GPR179: variants seen among roughly 807,000 people sequenced by gnomAD.
GPR179 encodes the protein probable G protein-coupled receptor 179.
GPR179 carries 52 observed loss-of-function variants against 70.8 expected under a neutral mutation model. That is an observed-to-expected ratio of 0.73 (90% CI 0.59 to 0.93). The LOEUF (loss-of-function observed/expected upper bound fraction) is 0.93, where lower values mean the gene tolerates loss of function less well. Among genes scored for constraint, GPR179 ranks in the 40% least tolerant of loss-of-function variants. The pLI is 0.00. For synonymous variants in GPR179, 1,123 were observed against 1,169.0 expected (o/e 0.96, Z 0.80); for missense variants, 2,734 against 2,966.8 (o/e 0.92, Z 1.82).
At chr17:38,335,497 G>A in intron 6 of GPR179, 94 bp downstream of exon 6, 2 of 947,708 alleles carry the variant, frequency 2.1e-6, no homozygotes, top group Admixed American at 3.9e-5. Context: ...GAGTGGGGCT[G>A]GCAAGGGTCT....
chr17:38,334,440 A>G lies in GPR179; in HGVS notation c.1784+264T>C, dbSNP rs1207354720. ...GGAAAGGGGTATGTTGGGGTGCTGG[A>G]GAGGTGCTTTGGGAGGGGTGAGGAG... On this transcript the variant is annotated intron_variant, in intron 8 of 10. Coordinates refer to ENST00000616987, the MANE Select transcript of GPR179 (RefSeq NM_001004334.4). This position sits in a 1 kb window ranked among gnomAD's most constrained non-coding sequence, Gnocchi z 4.7. Among the ~76,000 whole-genome samples the G allele has an allele frequency of 6.6e-6, 1 of 151,790 alleles. No individual in the cohort carries two copies. The highest frequency in any genetic ancestry group is 2.4e-5 in the African/African-American group (1 of 41,284).
At chr17:38,335,751 G>T in intron 5 of GPR179, 51 bp from the exon 6 acceptor site, 3 of 1,231,772 alleles carry the variant, frequency 2.4e-6, no homozygotes, top group Non-Finnish European at 2.4e-6. Flanking sequence ...TCTGCTGTGG[G>T]CCAGGCCTAT....
At chr17:38,341,215 C>A (rs1333195415) in intron 1 of GPR179, among the ~76,000 whole-genome samples, 1 of 152,190 alleles carries the variant, frequency 6.6e-6, no homozygotes, top group Non-Finnish European at 1.5e-5. Context: ...AGGTTGTTCT[C>A]TCCACCCCTC....
intron 4 of GPR179, 86 bp from the exon 5 acceptor site, chr17:38,336,230 ACC>A: frequency 1.1e-6 from 1 of 908,286 alleles, no homozygotes; most frequent in Middle Eastern, 2.2e-4. Flanking sequence ...TCACTCAGTG[ACC>A]CTGAGCTAAG....
Position 38,331,000 on chromosome 17 carries a change from C to G in GPR179, c.2569G>C (p.Ala857Pro). 6.2e-7 allele frequency: 1 copy of G among 1,611,766 alleles called. No individual in the cohort carries two copies. Among genetic ancestry groups the G allele is most frequent in the South Asian group, 1.1e-5 (1 of 90,924 alleles). Residue 857 changes from alanine to proline, a missense_variant, in exon 11 of 11, where the codon GCC becomes CCC. By Grantham distance (27) the Ala-to-Pro change is conservative (BLOSUM62 -1). Transcript: ENST00000616987. ...TGCCGGTAGGTCTCCTCCAGGTAGG[C>G]CTGGCTGGCCATGAGCAAGGCCTTT... ...REKALLMASQ[A>P]YLEETYRQAK...
intron 9 of GPR179, among the ~76,000 whole-genome samples, chr17:38,333,669 A>G (rs1295349389): frequency 3.9e-5 from 6 of 151,952 alleles, no homozygotes; most frequent in Non-Finnish European, 7.4e-5. Context: ...TTCTGAGTAG[A>G]TTTTCAGAGT....
rs953315821 is a variant in GPR179, at chr17:38,333,527, G to A, written c.1891-130C>T. 5 of 984,572 alleles carry A rather than the reference G, an allele frequency of 5.1e-6. No homozygotes were observed. The African/African-American group carries it at 6.6e-5, about 13-fold the overall frequency. 61.0% of individuals were successfully genotyped at this position (984,572 alleles called of 1,614,324 possible). A position where few individuals can be genotyped will look rare whatever the true frequency, so the allele number is the denominator to read the frequency against. On this transcript the variant is annotated intron_variant, in intron 9 of 10. Transcript: ENST00000616987. Reference sequence around the variant, plus strand: ...CCCCTTCTCTGACTTGGAATTCTGGGGATCTTTAGAGTTTTACTCCCCTCA... The same window carrying A: ...CCCCTTCTCTGACTTGGAATTCTGGAGATCTTTAGAGTTTTACTCCCCTCA...
Position 38,326,141 on chromosome 17 carries a change from T to G in GPR179, c.*324A>C. 3.5e-6 allele frequency: 1 copy of G among 289,470 alleles called. No homozygotes were observed. Among genetic ancestry groups the G allele is most frequent in the Non-Finnish European group, 6.4e-6 (1 of 155,886 alleles). The allele number at this position is 289,470 out of a possible 1,614,324, so 17.9% of individuals were successfully genotyped here. A position where few individuals can be genotyped will look rare whatever the true frequency, so the allele number is the denominator to read the frequency against. The stretch of plus-strand genomic sequence containing the variant: ...ACTTTTTTCATCCCTAACAGTGGCT[T>G]TGTGGGTGAGTGTCCAGACTCGGGT... On this transcript the variant is annotated 3_prime_UTR_variant, in exon 11 of 11. Coordinates refer to ENST00000616987, the MANE Select transcript of GPR179 (RefSeq NM_001004334.4).
rs1567721629 is a variant in GPR179, at chr17:38,326,877, C to G, written c.6692G>C (p.Gly2231Ala). ...TGCCATGGTACCCTTTATTTTATTT[C>G]CTTCTGGATCTGTGATTTCCCATTG... ...LCQWEITDPEGNKIKGTMADI... is the reference protein window; with the variant it reads ...LCQWEITDPEANKIKGTMADI... The change falls in exon 11 of 11, where the codon GGA becomes GCA. Residue 2231 changes from glycine (G) to alanine (A), a missense_variant. Physicochemically the swap from Gly to Ala is moderately conservative, Grantham distance 60. Coordinates refer to ENST00000616987, the MANE Select transcript of GPR179 (RefSeq NM_001004334.4). The G allele has an allele frequency of 6.2e-7, 1 of 1,614,212 alleles. No individual in the cohort carries two copies. Among genetic ancestry groups the G allele is most frequent in the Non-Finnish European group, 8.5e-7 (1 of 1,180,044 alleles).
chr17:38,328,017 C>T lies in GPR179; in HGVS notation c.5552G>A (p.Arg1851Lys). 1 of 1,614,142 alleles carries T rather than the reference C, an allele frequency of 6.2e-7. No individual in the cohort carries two copies. ...EQREKALEKG[R>K]LTSLGEDVSK... ...TACGTCTTCTCCCAGGGAAGTGAGT[C>T]TCCCCTTTTCTAGAGCTTTCTCCCT... The change falls in exon 11 of 11, where the codon AGA (arginine) becomes AAA (lysine). Residue 1851 changes from arginine to lysine, a missense_variant. By Grantham distance (26) the Arg-to-Lys change is conservative. Transcript: ENST00000616987.
chr17:38,324,596 G>A lies in GPR179; in HGVS notation c.*1869C>T, dbSNP rs1369346744. ...TCAAGAAAAAGCATTCTTTATTTCC[G>A]CCCCGCCCCCCCCACCCCATGGTTT... On this transcript the variant is annotated 3_prime_UTR_variant, in exon 11 of 11. Coordinates refer to ENST00000616987, the MANE Select transcript of GPR179 (RefSeq NM_001004334.4). Among the ~76,000 whole-genome samples, 1 of 143,704 alleles carries A rather than the reference G, an allele frequency of 7.0e-6. No homozygotes were observed. Among genetic ancestry groups the A allele is most frequent in the Admixed American group, 7.3e-5 (1 of 13,716 alleles). The allele number at this position is 143,704 out of a possible 152,430, so 94.3% of individuals were successfully genotyped here.
chr17:38,329,889 T>C lies in GPR179; in HGVS notation c.3680A>G (p.Lys1227Arg), dbSNP rs138451517. The change falls in exon 11 of 11, where the codon AAA becomes AGA. Residue 1227 changes from lysine (K) to arginine (R), a missense_variant. Lys to Arg is a conservative substitution (Grantham distance 26). Coordinates refer to ENST00000616987, the MANE Select transcript of GPR179 (RefSeq NM_001004334.4). ...GCTGCCCAGGGACTGGAGGCCAGCT[T>C]TGGGCAGTTCCTGCCACCCGACAGG... ...ETPVGWQELP[K>R]AGLQSLGSAD... The C allele has an allele frequency of 0.016, 25,948 of 1,614,172 alleles. 248 individuals are homozygous for C. The highest frequency in any genetic ancestry group is 0.02 in the Non-Finnish European group (23,067 of 1,179,980).
chr17:38,332,483 C>G (rs1039680293), intron 10 of GPR179, among the ~76,000 whole-genome samples: 2 of 152,172 alleles, frequency 1.3e-5, no homozygotes, highest in African/African-American at 4.8e-5. Flanking sequence ...CCTCTAAGAC[C>G]TGCCAGGTCC....
At position 38,328,709 on chromosome 17, in the gene GPR179, C is replaced by T; in HGVS notation, c.4860G>A (p.Lys1620=). Residue 1620 remains lysine (K), a synonymous_variant, in exon 11 of 11, where the codon AAG becomes AAA. Transcript: ENST00000616987. ...VPRGGESQKD[K]EKMPGKSEIE... ...TTTCCGATTTTCCAGGCATTTTCTC[C>T]TTGTCCTTTTGAGATTCTCCTCCTC... 6.2e-7 allele frequency: 1 copy of T among 1,614,002 alleles called. No individual in the cohort carries two copies. The highest frequency in any genetic ancestry group is 8.5e-7 in the Non-Finnish European group (1 of 1,179,986).
chr17:38,327,847 AG>A lies in GPR179; in HGVS notation c.5721del (p.Leu1908TrpfsTer9), dbSNP rs1567722216. On this transcript the variant is annotated frameshift_variant, in exon 11 of 11. Coordinates refer to ENST00000616987, the MANE Select transcript of GPR179 (RefSeq NM_001004334.4). LOFTEE classifies it low-confidence loss of function (END_TRUNC). ...SMSSEVAEGH[S>X]LEATEKGDLR... ...AGGTCCCCCTTCTCTGTTGCTTCCA[AG>A]GAATGTCCCTCTGCCACTTCACTAC... is the stretch of plus-strand genomic sequence containing the variant. 1 of 1,614,168 alleles carries A rather than the reference AG, an allele frequency of 6.2e-7. No homozygotes were observed. Among genetic ancestry groups the A allele is most frequent in the South Asian group, 1.1e-5 (1 of 91,082 alleles).
In GPR179 at chr17:38,326,854, C is replaced by G. The variant is rs1004901042; in HGVS notation, c.6715G>C (p.Ala2239Pro). ...PEGNKIKGTMADICPGEETGV... is the reference protein window; with the variant it reads ...PEGNKIKGTMPDICPGEETGV... The stretch of plus-strand genomic sequence containing the variant: ...GTTTCCTCCCCAGGACAGATGTCTG[C>G]CATGGTACCCTTTATTTTATTTCCT... The change falls in exon 11 of 11, where the codon GCA becomes CCA. Residue 2239 changes from alanine (A) to proline (P), a missense_variant. Transcript: ENST00000616987. 79 of 1,614,220 alleles carry G rather than the reference C, an allele frequency of 4.9e-5. No homozygotes were observed. The highest frequency in any genetic ancestry group is 6.5e-5 in the Non-Finnish European group (77 of 1,180,034).
rs1325815882 is a variant in GPR179 at position 38,330,772 on chromosome 17, T to C, written c.2797A>G (p.Ile933Val). 1.3e-6 allele frequency: 2 copies of C among 1,592,686 alleles called. No individual in the cohort carries two copies. The highest frequency in any genetic ancestry group is 1.7e-6 in the Non-Finnish European group (2 of 1,167,128). Residue 933 changes from isoleucine to valine, a missense_variant, in exon 11 of 11, where the codon ATC becomes GTC. By Grantham distance (29) the Ile-to-Val change is conservative (BLOSUM62 3). Coordinates refer to ENST00000616987, the MANE Select transcript of GPR179 (RefSeq NM_001004334.4). ...EARRRLPHPP[I>V]RHQVSTPILA... ...ATGGGGGTAGAAACCTGGTGCCTGATGGGTGGATGAGGCAGCCTTCTCCTA... is the reference window on the plus strand; with the variant it reads ...ATGGGGGTAGAAACCTGGTGCCTGACGGGTGGATGAGGCAGCCTTCTCCTA...
In GPR179 at chr17:38,343,563, C is replaced by A; in HGVS notation, c.227G>T (p.Cys76Phe). The A allele has an allele frequency of 6.2e-7, 1 of 1,613,826 alleles. No homozygotes were observed. The highest frequency in any genetic ancestry group is 8.5e-7 in the Non-Finnish European group (1 of 1,180,020). Residue 76 changes from cysteine to phenylalanine, a missense_variant, in exon 1 of 11, where the codon TGC (cysteine) becomes TTC (phenylalanine). Transcript: ENST00000616987. This position sits in a 1 kb window ranked among gnomAD's most constrained non-coding sequence, Gnocchi z 4.2. Reference sequence around the variant, plus strand: ...CCCACGCGCTTCATAGCGCTCACTGCAATTCACCTGTGATAGCTGCTGGGC... The same window carrying A: ...CCCACGCGCTTCATAGCGCTCACTGAAATTCACCTGTGATAGCTGCTGGGC... ...GDAQQLSQVN[C>F]SERYEARGAG...
Position 38,331,539 on chromosome 17 carries a change from G to A in GPR179, c.2038-8C>T. On this transcript the variant is annotated splice_region_variant and splice_polypyrimidine_tract_variant and intron_variant, in intron 10 of 10. Coordinates refer to ENST00000616987, the MANE Select transcript of GPR179 (RefSeq NM_001004334.4). ...GAGCTTCTTCAGCTCGTCCTGTGGG[G>A]CAGCAGGGAGGAAAGCAGGGCTGCA... 1 of 1,590,970 alleles carries A rather than the reference G, an allele frequency of 6.3e-7. No individual in the cohort carries two copies. The highest frequency in any genetic ancestry group is 1.1e-5 in the South Asian group (1 of 87,844).
Sources: allele counts gnomAD v4.1 joint callset (sites outside exome capture counted in the v4.1 genomes callset), GRCh38; gene constraint gnomAD v4.1.1; non-coding constraint Gnocchi (gnomAD v3.1); transcripts MANE v1.5; gene names NCBI Gene and HGNC (gene_info 2026-07-23, HGNC 2026-07-21).